GADL1: variants seen among roughly 807,000 people sequenced by gnomAD.
GADL1 encodes acidic amino acid decarboxylase GADL1.
In GADL1, 71 loss-of-function variants were observed where a neutral mutation model predicts 69.5. The observed-to-expected ratio is 1.02, with a 90% CI of 0.84 to 1.25. GADL1 has a LOEUF of 1.25. Among genes scored for constraint, GADL1 ranks in the 50% most tolerant of loss-of-function variants. The pLI, the probability that GADL1 is intolerant of heterozygous loss-of-function variation, is 0.00. For missense variants in GADL1, 737 were observed against 631.8 expected, an observed-to-expected ratio of 1.17 and a Z score of -1.79; for synonymous variants, 254 against 214.4, an observed-to-expected ratio of 1.18 and a Z score of -1.62.
intron 11 of GADL1, among the ~76,000 whole-genome samples, chr3:30,830,378 T>C (rs913833184): frequency 6.6e-6 from 1 of 152,010 alleles, no homozygotes; most frequent in African/African-American, 2.4e-5. Context: ...TAAATAAGTT[T>C]GTTATGCTTT....
intron 1 of GADL1, among the ~76,000 whole-genome samples, chr3:30,867,075 T>C (rs1243511669): frequency 2.0e-5 from 3 of 152,016 alleles, no homozygotes; most frequent in Non-Finnish European, 4.4e-5. Context: ...GTGCCTGTTT[T>C]CTCATCTATA....
chr3:30,820,609 A>G (rs1697556200), intron 11 of GADL1, among the ~76,000 whole-genome samples: 1 of 152,164 alleles, frequency 6.6e-6, no homozygotes, highest in African/African-American at 2.4e-5. Context: ...CTAGCAAAAC[A>G]TGCAGGATCC....
At chr3:30,761,432 A>G (rs59225460) in intron 14 of GADL1, among the ~76,000 whole-genome samples, 6,695 of 152,136 alleles carry the variant, frequency 0.044, 461 homozygotes, top group African/African-American at 0.15. Context: ...TCGGTGGCGC[A>G]CACACATTTT....
intron 14 of GADL1, among the ~76,000 whole-genome samples, chr3:30,767,395 C>A (rs1389845489): frequency 2.5e-5 from 3 of 122,432 alleles, no homozygotes; most frequent in Non-Finnish European, 5.4e-5. Context: ...CATTTAAATC[C>A]TTTGGTTCTT....
intron 1 of GADL1, among the ~76,000 whole-genome samples, chr3:30,892,358 A>G (rs955560438): frequency 1.3e-5 from 2 of 152,220 alleles, no homozygotes; most frequent in African/African-American, 2.4e-5. Flanking sequence ...CTCATCATAC[A>G]TACTTGGAGG....
intron 1 of GADL1, among the ~76,000 whole-genome samples, chr3:30,873,138 T>C (rs1479607074): frequency 1.3e-5 from 2 of 151,996 alleles, no homozygotes; most frequent in Admixed American, 6.6e-5. Flanking sequence ...TGAGTAATTC[T>C]ATCTTCTCTA....
chr3:30,762,389 A>G (rs775957967), intron 14 of GADL1, among the ~76,000 whole-genome samples: 14 of 152,222 alleles, frequency 9.2e-5, no homozygotes, highest in South Asian at 2.1e-4. Flanking sequence ...ATTGTCAAGC[A>G]TGAAAAAATA....
Position 30,789,677 on chromosome 3 carries a change from C to T in GADL1, c.1251-3271G>A, listed in dbSNP as rs1297471884. Reference sequence around the variant, plus strand: ...TCTTCAGTGATCTTAGCTAGATCTTCAGCATAACTTGCTCAGTTTCTCCAT... The same window carrying T: ...TCTTCAGTGATCTTAGCTAGATCTTTAGCATAACTTGCTCAGTTTCTCCAT... On this transcript the variant is annotated intron_variant, in intron 12 of 14. Coordinates refer to ENST00000282538, the MANE Select transcript of GADL1 (RefSeq NM_207359.3). 1.3e-5 allele frequency among the ~76,000 whole-genome samples: 2 copies of T among 152,188 alleles called. 1 individual carries two copies. The highest frequency in any genetic ancestry group is 2.9e-5 in the Non-Finnish European group (2 of 68,032).
chr3:30,794,031 A>G (rs943744745), intron 12 of GADL1, among the ~76,000 whole-genome samples: 3 of 152,208 alleles, frequency 2.0e-5, no homozygotes, highest in African/African-American at 7.2e-5. Flanking sequence ...AAGATCACCA[A>G]TATAAAGATA....
At chr3:30,783,392 C>T (rs1033633618) in intron 13 of GADL1, among the ~76,000 whole-genome samples, 1 of 152,106 alleles carries the variant, frequency 6.6e-6, no homozygotes, top group African/African-American at 2.4e-5. Flanking sequence ...TAAAATAATA[C>T]ATTTCTTGAA....
intron 11 of GADL1, among the ~76,000 whole-genome samples, chr3:30,826,929 C>T (rs1252741415): frequency 6.6e-6 from 1 of 151,704 alleles, no homozygotes; most frequent in Non-Finnish European, 1.5e-5. Context: ...TTTTAAAGTG[C>T]CAACGTGGGA....
chr3:30,815,427 A>G (rs1054009826), intron 11 of GADL1, among the ~76,000 whole-genome samples: 5 of 152,194 alleles, frequency 3.3e-5, no homozygotes, highest in Non-Finnish European at 7.3e-5. Context: ...CAAACCAAAC[A>G]AGAAAACCGT....
At chr3:30,753,329 T>C (rs1022727839) in intron 14 of GADL1, among the ~76,000 whole-genome samples, 1 of 152,198 alleles carries the variant, frequency 6.6e-6, no homozygotes, top group Non-Finnish European at 1.5e-5. Flanking sequence ...CTCAAAACCA[T>C]GTATTTTGAA....
chr3:30,786,675 C>T (rs1696797487), intron 12 of GADL1, among the ~76,000 whole-genome samples: 1 of 152,152 alleles, frequency 6.6e-6, no homozygotes, highest in Non-Finnish European at 1.5e-5. Flanking sequence ...CCAGATAAAG[C>T]AGGCTGGATA....
At chr3:30,768,591 A>C (rs1696343395) in intron 14 of GADL1, among the ~76,000 whole-genome samples, 1 of 151,818 alleles carries the variant, frequency 6.6e-6, no homozygotes, top group Admixed American at 6.6e-5. Flanking sequence ...GAGGCGGAGA[A>C]GGAAGAGTGG....
intron 12 of GADL1, chr3:30,798,980 A>G (rs1697107363): frequency 6.6e-6 from 1 of 152,288 alleles, no homozygotes; most frequent in Admixed American, 6.5e-5. Context: ...GTGGGTTCCC[A>G]TAGCCTTTGG....
At chr3:30,879,723 G>A (rs764775545) in intron 1 of GADL1, among the ~76,000 whole-genome samples, 2 of 151,762 alleles carry the variant, frequency 1.3e-5, no homozygotes, top group Non-Finnish European at 2.9e-5. Context: ...CCGTGACTTT[G>A]CCTGCATTAA....
chr3:30,797,116 T>C (rs1344062651), intron 12 of GADL1, among the ~76,000 whole-genome samples: 2 of 152,172 alleles, frequency 1.3e-5, no homozygotes, highest in East Asian at 1.9e-4. Context: ...GCTTACATAA[T>C]TGGTTTGCCT....
intron 13 of GADL1, among the ~76,000 whole-genome samples, chr3:30,784,667 C>T (rs1429209938): frequency 6.6e-6 from 1 of 152,186 alleles, no homozygotes; most frequent in Non-Finnish European, 1.5e-5. Flanking sequence ...CCAAGTTTGT[C>T]TTGCTTATTT....
Sources: gnomAD v4.1 joint callset for allele counts (sites outside exome capture counted in the v4.1 genomes callset) on GRCh38, gnomAD v4.1.1 for gene constraint, MANE v1.5 for transcripts, NCBI Gene and HGNC (gene_info 2026-07-23, HGNC 2026-07-21) for gene names.